DCAF16: variants seen among roughly 807,000 people sequenced by gnomAD.
DCAF16 encodes DDB1- and CUL4-associated factor 16.
In DCAF16, 10 loss-of-function variants were observed where a neutral mutation model predicts 17.3. The observed-to-expected ratio is 0.58, with a 90% CI of 0.36 to 0.98. The LOEUF (loss-of-function observed/expected upper bound fraction) is 0.98, where lower values mean the gene tolerates loss of function less well. Ranked by LOEUF, DCAF16 falls within the 50% of genes least tolerant of loss-of-function variation. The pLI, the probability that DCAF16 is intolerant of heterozygous loss-of-function variation, is 0.01. For missense variants in DCAF16, 249 were observed against 247.6 expected (o/e 1.01, Z -0.04); for synonymous variants, 111 against 92.8 (o/e 1.20, Z -1.12).
At chr4:17,794,023 C>T in the DCAF16 span, among the ~76,000 whole-genome samples, 1 of 152,034 alleles carries the variant, frequency 6.6e-6, no homozygotes, top group African/African-American at 2.4e-5. Flanking sequence ...TGAATCATGA[C>T]TCATAAGGAA....
chr4:17,798,091 T>C (rs897383585), downstream of DCAF16, among the ~76,000 whole-genome samples: 37 of 152,206 alleles, frequency 2.4e-4, no homozygotes, highest in African/African-American at 8.9e-4. Context: ...ACCAGTATCC[T>C]GAGTCCCTCC....
In DCAF16 at chr4:17,803,414, G is replaced by C; in HGVS notation, c.*77C>G. 7.4e-7 allele frequency: 1 copy of C among 1,354,764 alleles called. No individual in the cohort carries two copies. The highest frequency in any genetic ancestry group is 1.0e-6 in the Non-Finnish European group (1 of 963,950). 83.9% of individuals were successfully genotyped at this position (1,354,764 alleles called of 1,614,324 possible). On this transcript the variant is annotated 3_prime_UTR_variant, in exon 3 of 3. Coordinates refer to ENST00000382247, the MANE Select transcript of DCAF16 (RefSeq NM_017741.4). ...AGAGAGTTTGACTGAGAAGGCATTA[G>C]TGGGCTGTGTAATGACTAACTTTGT...
At chr4:17,799,224 T>C (rs937469289), downstream of DCAF16, among the ~76,000 whole-genome samples, 11 of 152,220 alleles carry the variant, frequency 7.2e-5, no homozygotes, top group African/African-American at 2.7e-4. Context: ...GAATCTTCAT[T>C]ATACTTGGAT....
intron 1 of DCAF16, among the ~76,000 whole-genome samples, chr4:17,805,518 T>C (rs1720245393): frequency 6.6e-6 from 1 of 152,216 alleles, no homozygotes; most frequent in African/African-American, 2.4e-5. Flanking sequence ...CTTTTGTTAG[T>C]TCCTGACCAC....
At chr4:17,805,964 T>G (rs1560213656) in intron 1 of DCAF16, among the ~76,000 whole-genome samples, 1 of 152,164 alleles carries the variant, frequency 6.6e-6, no homozygotes, top group African/African-American at 2.4e-5. Context: ...GAGACTCTTC[T>G]CTACAACAAC....
At chr4:17,798,775 G>A (rs541918938), downstream of DCAF16, among the ~76,000 whole-genome samples, 11 of 152,186 alleles carry the variant, frequency 7.2e-5, no homozygotes, top group South Asian at 1.0e-3. Context: ...GTCTCACTGC[G>A]GCTGCTAATT....
rs1438959921 is a variant in DCAF16, at chr4:17,803,723, G to A, written c.419C>T (p.Thr140Ile). 1 of 1,614,158 alleles carries A rather than the reference G, an allele frequency of 6.2e-7. No homozygotes were observed. The highest frequency in any genetic ancestry group is 8.5e-7 in the Non-Finnish European group (1 of 1,180,042). ...GGCAAATTGCAGTGCTCCATTTAGA[G>A]TGGCATGATCTCTAGAGAGCCGGCT... ...SPSRLSRDHA[T>I]LNGALQFATK... Residue 140 changes from threonine (T) to isoleucine (I), a missense_variant, in exon 3 of 3, where the codon ACT becomes ATT. Transcript: ENST00000382247.
chr4:17,807,184 A>G (rs1720409353), intron 1 of DCAF16, among the ~76,000 whole-genome samples: 1 of 152,226 alleles, frequency 6.6e-6, no homozygotes, highest in Admixed American at 6.5e-5. Context: ...GGCCAGGGAA[A>G]GACTTCTTAA....
intron 2 of DCAF16, 22 bp downstream of exon 2, chr4:17,805,084 GT>G (rs74667233): frequency 0.15 from 18,874 of 128,414 alleles, 1,200 homozygotes; most frequent in South Asian, 0.25. Context: ...AGCTATAAAA[GT>G]TTTTTTTTTT....
chr4:17,799,808 C>T (rs142859219), downstream of DCAF16, among the ~76,000 whole-genome samples: 6 of 152,092 alleles, frequency 3.9e-5, no homozygotes, highest in East Asian at 3.9e-4. Context: ...GATTAAAAGA[C>T]GTGATTATGG....
In DCAF16 at chr4:17,802,101, CAA is replaced by C. The variant is rs71167339; in HGVS notation, c.*1388_*1389del. The C allele has an allele frequency of 6.6e-5, 6 of 91,486 alleles. No individual in the cohort carries two copies. The highest frequency in any genetic ancestry group is 1.3e-4 in the Admixed American group (1 of 7,558). The allele number at this position is 91,486 out of a possible 1,614,324, so 5.7% of individuals were successfully genotyped here. On this transcript the variant is annotated 3_prime_UTR_variant, in exon 3 of 3. Coordinates refer to ENST00000382247, the MANE Select transcript of DCAF16 (RefSeq NM_017741.4). The stretch of plus-strand genomic sequence containing the variant: ...TGGGCGACAGAGCAAGACTCCGTCT[CAA>C]AAAAAAAAAAAAAAAAAAAATTAGA...
intron 1 of DCAF16, among the ~76,000 whole-genome samples, chr4:17,808,749 C>G (rs944167378): frequency 6.6e-6 from 1 of 152,204 alleles, no homozygotes; most frequent in African/African-American, 2.4e-5. Flanking sequence ...GAAATACTAG[C>G]CGGGCGCGGT....
Position 17,802,802 on chromosome 4 carries a change from G to A in DCAF16, c.*689C>T, listed in dbSNP as rs1478303245. 6.6e-6 allele frequency: 1 copy of A among 152,180 alleles called. No homozygotes were observed. Among genetic ancestry groups the A allele is most frequent in the East Asian group, 1.9e-4 (1 of 5,188 alleles). 9.4% of individuals were successfully genotyped at this position (152,180 alleles called of 1,614,324 possible). Reference sequence around the variant, plus strand: ...CCACAGAAATGTATGTTAGAGAAGAGTATGCTCAGAAAGGTATTATTGTGG... The same window carrying A: ...CCACAGAAATGTATGTTAGAGAAGAATATGCTCAGAAAGGTATTATTGTGG... On this transcript the variant is annotated 3_prime_UTR_variant, in exon 3 of 3. Coordinates refer to ENST00000382247, the MANE Select transcript of DCAF16 (RefSeq NM_017741.4).
Position 17,801,736 on chromosome 4 carries a change from A to G in DCAF16, c.*1755T>C, listed in dbSNP as rs890155027. 1.3e-5 allele frequency: 2 copies of G among 152,210 alleles called. No individual in the cohort carries two copies. Among genetic ancestry groups the G allele is most frequent in the African/African-American group, 4.8e-5 (2 of 41,450 alleles). The allele number at this position is 152,210 out of a possible 1,614,324, so 9.4% of individuals were successfully genotyped here. A position where few individuals can be genotyped will look rare whatever the true frequency, so the allele number is the denominator to read the frequency against. On this transcript the variant is annotated 3_prime_UTR_variant, in exon 3 of 3. Transcript: ENST00000382247. ...ATACTCTTCCTTGTTTGGCCAGAAG[A>G]AAATCTATAGCTAAATCTACTTAGA... is the stretch of plus-strand genomic sequence containing the variant.
In DCAF16 at chr4:17,800,714, C is replaced by A. The variant is rs898311964; in HGVS notation, c.*2777G>T. Reference sequence around the variant, plus strand: ...GCCAAGCTGGGGAAAGGCTTCCTTTCGAAGTGAATAGCAAAAATGCATTCA... The same window carrying A: ...GCCAAGCTGGGGAAAGGCTTCCTTTAGAAGTGAATAGCAAAAATGCATTCA... On this transcript the variant is annotated 3_prime_UTR_variant, in exon 3 of 3. Transcript: ENST00000382247. The A allele has an allele frequency of 1.3e-5, 2 of 152,592 alleles. No homozygotes were observed. The highest frequency in any genetic ancestry group is 2.4e-5 in the African/African-American group (1 of 41,420). The allele number at this position is 152,592 out of a possible 1,614,324, so 9.5% of individuals were successfully genotyped here. A position where few individuals can be genotyped will look rare whatever the true frequency, so the allele number is the denominator to read the frequency against.
chr4:17,810,350 G>C lies in DCAF16; in HGVS notation c.-750+97C>G, dbSNP rs555378753. The C allele has an allele frequency of 2.6e-5, 4 of 152,638 alleles. No homozygotes were observed. In the East Asian group the frequency reaches 7.7e-4, roughly 29 times the overall value. The allele number at this position is 152,638 out of a possible 1,614,324, so 9.5% of individuals were successfully genotyped here. A position where few individuals can be genotyped will look rare whatever the true frequency, so the allele number is the denominator to read the frequency against. ...GTTAGCCCGCACCCCCCTTCGCAAC[G>C]ATCCCCGGACTGCCTGCACGCCCTG... On this transcript the variant is annotated intron_variant, in intron 1 of 2. Coordinates refer to ENST00000382247, the MANE Select transcript of DCAF16 (RefSeq NM_017741.4).
Position 17,801,895 on chromosome 4 carries a change from A to T in DCAF16, c.*1596T>A, listed in dbSNP as rs1719825229. On this transcript the variant is annotated 3_prime_UTR_variant, in exon 3 of 3. Transcript: ENST00000382247. ...GAGGCAGGTGGATCACGAGGTCAGG[A>T]GATCAAGACCATCCTGGCTAACACG... 1 of 152,212 alleles carries T rather than the reference A, an allele frequency of 6.6e-6. No individual in the cohort carries two copies. Among genetic ancestry groups the T allele is most frequent in the African/African-American group, 2.4e-5 (1 of 41,416 alleles). 9.4% of individuals were successfully genotyped at this position (152,212 alleles called of 1,614,324 possible).
At chr4:17,809,050 A>G (rs1189176744) in intron 1 of DCAF16, among the ~76,000 whole-genome samples, 1 of 152,176 alleles carries the variant, frequency 6.6e-6, no homozygotes, top group Non-Finnish European at 1.5e-5. Flanking sequence ...AAAAAAATAT[A>G]TATTAGAAAC....
In DCAF16 at chr4:17,803,265, T is replaced by A; in HGVS notation, c.*226A>T. 1.9e-6 allele frequency: 1 copy of A among 514,294 alleles called. No homozygotes were observed. The highest frequency in any genetic ancestry group is 3.5e-6 in the Non-Finnish European group (1 of 286,606). 31.9% of individuals were successfully genotyped at this position (514,294 alleles called of 1,614,324 possible). A position where few individuals can be genotyped will look rare whatever the true frequency, so the allele number is the denominator to read the frequency against. ...GTCTCAAACTTCTGACTTCAGCAGA[T>A]CCACCCGCCTCAGCCTCCCAAAGTG... On this transcript the variant is annotated 3_prime_UTR_variant, in exon 3 of 3. Coordinates refer to ENST00000382247, the MANE Select transcript of DCAF16 (RefSeq NM_017741.4).
Sources: allele counts gnomAD v4.1 joint callset (sites outside exome capture counted in the v4.1 genomes callset), GRCh38; gene constraint gnomAD v4.1.1; transcripts MANE v1.5; gene names NCBI Gene and HGNC (gene_info 2026-07-23, HGNC 2026-07-21).